Variants in DSG2 observed in about 807,000 individuals in gnomAD.
DSG2 encodes the protein desmoglein-2.
Under a neutral mutation model 75.6 loss-of-function variants are expected in DSG2, and 45 were observed. The observed-to-expected ratio is 0.60, with a 90% CI of 0.47 to 0.76. The LOEUF (loss-of-function observed/expected upper bound fraction) is 0.76. DSG2 is among the 30% of genes least tolerant of loss of function. The pLI is 0.00. For synonymous variants in DSG2, 429 were observed against 483.9 expected (o/e 0.89, Z 1.49); for missense variants, 1,267 against 1,357.4 (o/e 0.93, Z 1.05).
At chr18:31,503,292 C>G (rs1348744713) in intron 1 of DSG2, among the ~76,000 whole-genome samples, 1 of 152,084 alleles carries the variant, frequency 6.6e-6, no homozygotes, top group Non-Finnish European at 1.5e-5. Context: ...TACCATGGAG[C>G]CTATAGAAGG....
intron 1 of DSG2, among the ~76,000 whole-genome samples, chr18:31,514,214 A>ACT (rs2073081603): frequency 1.3e-5 from 2 of 152,208 alleles, no homozygotes; most frequent in African/African-American, 4.8e-5. Flanking sequence ...CAGCTATTTA[A>ACT]GATGTTAACA....
At chr18:31,516,585 CA>C (rs2073095795) in intron 1 of DSG2, among the ~76,000 whole-genome samples, 1 of 152,206 alleles carries the variant, frequency 6.6e-6, no homozygotes, top group Admixed American at 6.5e-5. Context: ...TGCCTCACAG[CA>C]GGTGTCAACC....
chr18:31,527,970 C>T (rs145987013), intron 8 of DSG2, among the ~76,000 whole-genome samples: 167 of 152,294 alleles, frequency 1.1e-3, no homozygotes, highest in African/African-American at 3.9e-3. Flanking sequence ...CCAAAAGCCC[C>T]ACTCTTAATA....
chr18:31,524,464 C>CTT lies in DSG2; in HGVS notation c.709_710dup (p.Leu237PhefsTer2). ...GCTCTGCAGGAACACAGCAGCTACA[C>CTT]TTTGACAGTAGAAGCAAGAGATGGC... On this transcript the variant is annotated frameshift_variant, in exon 7 of 15. Transcript: ENST00000261590. LOFTEE classifies it high-confidence loss of function. 6.2e-7 allele frequency: 1 copy of CTT among 1,614,152 alleles called. No individual in the cohort carries two copies. Among genetic ancestry groups the CTT allele is most frequent in the Non-Finnish European group, 8.5e-7 (1 of 1,180,014 alleles).
chr18:31,505,942 C>T (rs1348397559), intron 1 of DSG2, among the ~76,000 whole-genome samples: 3 of 152,136 alleles, frequency 2.0e-5, no homozygotes, highest in East Asian at 1.9e-4. Context: ...CGTGAGCCAC[C>T]GCACCTGGCC....
At chr18:31,529,721 A>G (rs1198403420) in intron 8 of DSG2, among the ~76,000 whole-genome samples, 1 of 152,216 alleles carries the variant, frequency 6.6e-6, no homozygotes, top group Non-Finnish European at 1.5e-5. Context: ...AACATGCCTA[A>G]TATATTTAAT....
Position 31,546,449 on chromosome 18 carries a change from C to T in DSG2, c.3063C>T (p.Ser1021=). Residue 1021 remains serine, a synonymous_variant, in exon 15 of 15, where the codon AGC becomes AGT. Transcript: ENST00000261590. ...VPYVMVRERE[S]FLAPSSGVQP... is the part of the protein sequence containing the mutation. Reference sequence around the variant, plus strand: ...ACGTCATGGTGAGGGAAAGAGAGAGCTTCCTTGCCCCCAGCTCAGGTGTGC... The same window carrying T: ...ACGTCATGGTGAGGGAAAGAGAGAGTTTCCTTGCCCCCAGCTCAGGTGTGC... 6.2e-7 allele frequency: 1 copy of T among 1,614,132 alleles called. No homozygotes were observed. Among genetic ancestry groups the T allele is most frequent in the South Asian group, 1.1e-5 (1 of 91,074 alleles).
In DSG2 at chr18:31,542,827, A is replaced by G; in HGVS notation, c.2309A>G (p.Glu770Gly). The change falls in exon 14 of 15, where the codon GAA becomes GGA. Residue 770 changes from glutamate to glycine, a missense_variant. Physicochemically the swap from Glu to Gly is moderately conservative, Grantham distance 98 (BLOSUM62 -2). Transcript: ENST00000261590. ...GCAGCTGCTGTTGCACTGAACGAAG[A>G]ATTCTTAAGAAATTATTTCACTGAT... ...AQAAAVALNEEFLRNYFTDKA... is the reference protein window; with the variant it reads ...AQAAAVALNEGFLRNYFTDKA... 6.4e-7 allele frequency: 1 copy of G among 1,560,140 alleles called. No individual in the cohort carries two copies. The highest frequency in any genetic ancestry group is 8.6e-7 in the Non-Finnish European group (1 of 1,157,210).
At chr18:31,529,758 G>A (rs1240383390) in intron 8 of DSG2, among the ~76,000 whole-genome samples, 1 of 152,180 alleles carries the variant, frequency 6.6e-6, no homozygotes, top group Non-Finnish European at 1.5e-5. Flanking sequence ...AAGCAAAAAT[G>A]TTTAGTGCAT....
chr18:31,534,765 C>T (rs967055470), intron 9 of DSG2, among the ~76,000 whole-genome samples: 2 of 152,280 alleles, frequency 1.3e-5, no homozygotes, highest in Middle Eastern at 3.4e-3. Context: ...CCGCCTCAGC[C>T]TCCCAATGTG....
intron 1 of DSG2, among the ~76,000 whole-genome samples, chr18:31,512,213 C>T (rs2073071105): frequency 6.6e-6 from 1 of 152,160 alleles, no homozygotes; most frequent in Non-Finnish European, 1.5e-5. Context: ...TCACCTTCAG[C>T]TTACCCCATC....
At position 31,498,316 on chromosome 18, in the gene DSG2, C is replaced by T; in HGVS notation, c.45+20C>T. ...CTCCTGGTAAGTGCCGCAAGCGGGA[C>T]AGGGGAGCCACCGCCGGGGAGGGCG... On this transcript the variant is annotated intron_variant, in intron 1 of 14. Transcript: ENST00000261590. The T allele has an allele frequency of 8.0e-7, 1 of 1,257,362 alleles. No homozygotes were observed. The highest frequency in any genetic ancestry group is 1.0e-6 in the Non-Finnish European group (1 of 993,964). The allele number at this position is 1,257,362 out of a possible 1,614,324, so 77.9% of individuals were successfully genotyped here.
rs751304299 is a variant in DSG2 at position 31,535,352 on chromosome 18, T to C, written c.1363T>C (p.Phe455Leu). ...AATTAAACTTGCAAAACTTCCTGAT[T>C]TTGAATCTAGATATGTTCAAAATGG... ...SEIKLAKLPD[F>L]ESRYVQNGTY... is the part of the protein sequence containing the mutation. Residue 455 changes from phenylalanine (F) to leucine (L), a missense_variant, in exon 10 of 15, where the codon TTT (phenylalanine) becomes CTT (leucine). Physicochemically the swap from Phe to Leu is conservative, Grantham distance 22. Coordinates refer to ENST00000261590, the MANE Select transcript of DSG2 (RefSeq NM_001943.5). The C allele has an allele frequency of 6.2e-7, 1 of 1,611,796 alleles. No homozygotes were observed. The highest frequency in any genetic ancestry group is 8.5e-7 in the Non-Finnish European group (1 of 1,178,316).
chr18:31,530,776 CT>C (rs1218931641), intron 8 of DSG2, among the ~76,000 whole-genome samples: 1 of 152,052 alleles, frequency 6.6e-6, no homozygotes, highest in Non-Finnish European at 1.5e-5. Context: ...ATTGGTAATA[CT>C]TCCTAAACAT....
chr18:31,531,954 T>A (rs753334667), intron 9 of DSG2, among the ~76,000 whole-genome samples: 8 of 152,184 alleles, frequency 5.3e-5, no homozygotes, highest in Non-Finnish European at 1.2e-4. Flanking sequence ...AGAGCTGTTA[T>A]TTATGGAGCT....
In DSG2 at chr18:31,547,684, A is replaced by C. The variant is rs2073324381; in HGVS notation, c.*941A>C. 6.6e-6 allele frequency: 1 copy of C among 151,818 alleles called. No homozygotes were observed. The highest frequency in any genetic ancestry group is 1.5e-5 in the Non-Finnish European group (1 of 68,042). 9.4% of individuals were successfully genotyped at this position (151,818 alleles called of 1,614,324 possible). A position where few individuals can be genotyped will look rare whatever the true frequency, so the allele number is the denominator to read the frequency against. On this transcript the variant is annotated 3_prime_UTR_variant, in exon 15 of 15. Coordinates refer to ENST00000261590, the MANE Select transcript of DSG2 (RefSeq NM_001943.5). ...AGAGTGAGATTCCGTCTCAAAAAAAAAAAGAAAAGGAAAAAAAAATAGCAT... is the reference window on the plus strand; with the variant it reads ...AGAGTGAGATTCCGTCTCAAAAAAACAAAGAAAAGGAAAAAAAAATAGCAT...
At position 31,527,731 on chromosome 18, in the gene DSG2, G is replaced by A. The variant is rs562205341; in HGVS notation, c.1014+2843G>A. On this transcript the variant is annotated intron_variant, in intron 8 of 14. Coordinates refer to ENST00000261590, the MANE Select transcript of DSG2 (RefSeq NM_001943.5). ...ATGGCAGAAATGAATATCTTAGTCC[G>A]TTTGGGCTGCTACAACAAAATGCCA... is the stretch of plus-strand genomic sequence containing the variant. 3.9e-5 allele frequency among the ~76,000 whole-genome samples: 6 copies of A among 152,280 alleles called. No individual in the cohort carries two copies. The South Asian group carries it at 1.0e-3, about 26-fold the overall frequency.
Position 31,536,215 on chromosome 18 carries a change from A to C in DSG2, c.1437A>C (p.Lys479Asn). The C allele has an allele frequency of 1.2e-6, 2 of 1,614,194 alleles. No individual in the cohort carries two copies. The highest frequency in any genetic ancestry group is 1.7e-6 in the Non-Finnish European group (2 of 1,180,024). Reference sequence around the variant, plus strand: ...CTTATTTTTAAGATTATCCTAGAAAAACCATCACTGGCACAGTCCTTATCA... The same window carrying C: ...CTTATTTTTAAGATTATCCTAGAAACACCATCACTGGCACAGTCCTTATCA... The part of the protein sequence containing the change: ...IVAISEDYPR[K>N]TITGTVLINV... The change falls in exon 11 of 15, where the codon AAA becomes AAC. Residue 479 changes from lysine to asparagine, a missense_variant. By Grantham distance (94) the Lys-to-Asn change is moderately conservative. Transcript: ENST00000261590.
chr18:31,514,172 A>G (rs1473795138), intron 1 of DSG2, among the ~76,000 whole-genome samples: 1 of 152,254 alleles, frequency 6.6e-6, no homozygotes, highest in Non-Finnish European at 1.5e-5. Context: ...AAATGCACCA[A>G]TGTTAATCTC....
Sources: gnomAD v4.1 joint callset for allele counts (sites outside exome capture counted in the v4.1 genomes callset) on GRCh38, gnomAD v4.1.1 for gene constraint, MANE v1.5 for transcripts, NCBI Gene and HGNC (gene_info 2026-07-23, HGNC 2026-07-21) for gene names.